Variants in TPD52 observed in about 807,000 individuals in gnomAD.
TPD52 encodes the protein tumor protein D52, also known as prostate and colon associated protein.
In TPD52, 17 loss-of-function variants were observed where a neutral mutation model predicts 31.3. The observed-to-expected ratio is 0.54, with a 90% CI of 0.37 to 0.82. The LOEUF is 0.82. Among genes scored for constraint, TPD52 ranks in the 40% least tolerant of loss-of-function variants. The pLI, the probability that TPD52 is intolerant of heterozygous loss-of-function variation, is 0.00. For synonymous variants in TPD52, 83 were observed against 89.6 expected (o/e 0.93, Z 0.42); for missense variants, 212 against 240.1 (o/e 0.88, Z 0.77).
rs1808441584 is a variant in TPD52, at chr8:80,124,146, C to G, written c.19+47279G>C. Among the ~76,000 whole-genome samples the G allele has an allele frequency of 2.0e-5, 3 of 148,252 alleles. No homozygotes were observed. In the South Asian group the frequency reaches 6.5e-4, roughly 32 times the overall value. ...GACCTGTAGCCAAAGAAGGGGTTAT[C>G]AGCATGTTTCTCTCTCTCTCTTTTT... is the stretch of plus-strand genomic sequence containing the variant. On this transcript the variant is annotated intron_variant, in intron 1 of 7. Transcript: ENST00000518937.
At chr8:80,163,698 T>C (rs1811514707) in intron 1 of TPD52, among the ~76,000 whole-genome samples, 1 of 152,166 alleles carries the variant, frequency 6.6e-6, no homozygotes, top group African/African-American at 2.4e-5. Context: ...ATCGAAAAGC[T>C]TACATATATT....
At chr8:80,054,744 GAA>G (rs34889193) in intron 2 of TPD52, among the ~76,000 whole-genome samples, 98 of 144,574 alleles carry the variant, frequency 6.8e-4, no homozygotes, top group South Asian at 8.7e-4. Flanking sequence ...CAGCTGCCAA[GAA>G]AAAAAAAAAA....
At chr8:80,041,683 C>T (rs1359356176) in intron 7 of TPD52, among the ~76,000 whole-genome samples, 1 of 151,998 alleles carries the variant, frequency 6.6e-6, no homozygotes, top group Non-Finnish European at 1.5e-5. Context: ...TTCACCTCCA[C>T]TAAAATCAAA....
chr8:80,053,467 A>C (rs375933036), intron 2 of TPD52, 37 bp from the exon 3 acceptor site: 46 of 1,595,316 alleles, frequency 2.9e-5, no homozygotes, highest in Non-Finnish European at 3.8e-5. Context: ...ATATAGCAAA[A>C]GTCATTCAGT....
intron 2 of TPD52, among the ~76,000 whole-genome samples, chr8:80,062,381 T>C (rs1226436508): frequency 6.6e-6 from 1 of 152,134 alleles, no homozygotes; most frequent in African/African-American, 2.4e-5. Flanking sequence ...TATACGCTAA[T>C]TAACTCAAAA....
chr8:80,136,788 T>C (rs1044065318), intron 1 of TPD52, among the ~76,000 whole-genome samples: 7 of 152,140 alleles, frequency 4.6e-5, no homozygotes, highest in Non-Finnish European at 8.8e-5. Context: ...ACCCCAATCA[T>C]GTGTAAATAC....
chr8:80,113,692 C>T (rs1019311588), intron 1 of TPD52, among the ~76,000 whole-genome samples: 5 of 152,098 alleles, frequency 3.3e-5, no homozygotes, highest in Admixed American at 2.6e-4. Context: ...AAAGCACCTG[C>T]TCTCATTCAT....
chr8:80,167,544 C>A (rs1549463), intron 1 of TPD52, among the ~76,000 whole-genome samples: 46,740 of 152,040 alleles, frequency 0.31, 7,748 homozygotes, highest in East Asian at 0.67. Flanking sequence ...ATGGAAATCA[C>A]GAAACTGTTG....
intron 1 of TPD52, among the ~76,000 whole-genome samples, chr8:80,094,064 A>G (rs1237156919): frequency 6.6e-6 from 1 of 152,174 alleles, no homozygotes; most frequent in Non-Finnish European, 1.5e-5. Flanking sequence ...TCAGAGTTTT[A>G]TAAAACATCG....
chr8:80,051,251 C>T, intron 4 of TPD52: 5 of 466,946 alleles, frequency 1.1e-5, no homozygotes, highest in South Asian at 1.0e-4. Context: ...GACATACTTA[C>T]CCTGCATGAT....
At chr8:80,155,234 ATGT>A (rs1482591502) in intron 1 of TPD52, among the ~76,000 whole-genome samples, 1 of 152,106 alleles carries the variant, frequency 6.6e-6, no homozygotes, top group Non-Finnish European at 1.5e-5. Flanking sequence ...TAATCAATAA[ATGT>A]TGTGTGTGTT....
At chr8:80,075,176 A>C (rs992734766) in intron 1 of TPD52, among the ~76,000 whole-genome samples, 1 of 152,030 alleles carries the variant, frequency 6.6e-6, no homozygotes, top group Non-Finnish European at 1.5e-5. Flanking sequence ...GACAGGGTTC[A>C]CCATGTTGGC....
intron 1 of TPD52, among the ~76,000 whole-genome samples, chr8:80,155,302 C>A (rs1358730802): frequency 6.6e-6 from 1 of 152,188 alleles, no homozygotes; most frequent in African/African-American, 2.4e-5. Context: ...CCTTGGGTCT[C>A]CCTATTCCAG....
chr8:80,070,178 G>C (rs142345357), intron 1 of TPD52, among the ~76,000 whole-genome samples: 1 of 152,096 alleles, frequency 6.6e-6, no homozygotes, highest in Admixed American at 6.5e-5. Context: ...TTTGAGGAGC[G>C]CCTCTCTCTG....
At chr8:80,056,177 A>G (rs1213115639) in intron 2 of TPD52, among the ~76,000 whole-genome samples, 2 of 152,214 alleles carry the variant, frequency 1.3e-5, no homozygotes, top group Non-Finnish European at 2.9e-5. Flanking sequence ...ATGGAATACA[A>G]TTCTGCCATA....
chr8:80,119,574 G>A (rs1731576144), intron 1 of TPD52, among the ~76,000 whole-genome samples: 1 of 152,170 alleles, frequency 6.6e-6, no homozygotes, highest in Non-Finnish European at 1.5e-5. Flanking sequence ...TTTACTTTGG[G>A]AAGGGAAACT....
intron 1 of TPD52, among the ~76,000 whole-genome samples, chr8:80,133,394 C>G (rs530571770): frequency 6.6e-6 from 1 of 152,244 alleles, no homozygotes; most frequent in Admixed American, 6.5e-5. Flanking sequence ...CCATGTTTAG[C>G]TGTCTGGTGG....
intron 1 of TPD52, among the ~76,000 whole-genome samples, chr8:80,100,933 A>C (rs1253121165): frequency 6.6e-6 from 1 of 152,200 alleles, no homozygotes; most frequent in East Asian, 1.9e-4. Context: ...AGACACACCC[A>C]AAATATTTGA....
intron 1 of TPD52, among the ~76,000 whole-genome samples, chr8:80,086,211 C>T (rs1464557848): frequency 2.0e-5 from 3 of 149,650 alleles, no homozygotes; most frequent in Non-Finnish European, 3.0e-5. Context: ...TCCGCCTCCC[C>T]GGTTTAAGTG....
Sources: allele counts gnomAD v4.1 joint callset (sites outside exome capture counted in the v4.1 genomes callset), GRCh38; gene constraint gnomAD v4.1.1; transcripts MANE v1.5; gene names NCBI Gene and HGNC (gene_info 2026-07-23, HGNC 2026-07-21).